The following HRH2 variants were observed in gnomAD, a reference collection of about 807,000 sequenced individuals.
HRH2 encodes histamine receptor H2.
A neutral mutation model predicts 20.1 loss-of-function variants in HRH2; 4 were observed. That is an observed-to-expected ratio of 0.20 (90% CI 0.10 to 0.45). The LOEUF is 0.45. Among genes scored for constraint, HRH2 ranks in the 20% least tolerant of loss-of-function variants. The probability of loss-of-function intolerance (pLI) is 0.99; values close to 1 mark genes in which losing one functional copy is unlikely to be tolerated. For missense variants in HRH2, 250 were observed against 461.6 expected, an observed-to-expected ratio of 0.54 and a Z score of 4.20; for synonymous variants, 197 against 200.7, an observed-to-expected ratio of 0.98 and a Z score of 0.16.
chr5:175,658,087 C>G lies in HRH2; in HGVS notation c.-594C>G, dbSNP rs1468179177. ...CCGCCCGCTGCATCCCTGCCCGGAG[C>G]GCAGCCGGCGCGGGCGCGGGACCGA... is the stretch of plus-strand genomic sequence containing the variant. On this transcript the variant is annotated 5_prime_UTR_variant, in exon 1 of 3. Coordinates refer to ENST00000636584, the MANE Select transcript of HRH2 (RefSeq NM_001367711.1). The G allele has an allele frequency of 1.3e-5, 2 of 151,800 alleles. 1 individual carries two copies. Among genetic ancestry groups the G allele is most frequent in the Admixed American group, 1.3e-4 (2 of 15,222 alleles). 9.4% of individuals were successfully genotyped at this position (151,800 alleles called of 1,614,324 possible). A position where few individuals can be genotyped will look rare whatever the true frequency, so the allele number is the denominator to read the frequency against.
intron 2 of HRH2, chr5:175,685,637 G>A: frequency 4.5e-6 from 3 of 669,148 alleles, no homozygotes; most frequent in East Asian, 2.8e-5. Context: ...CTTGTATCTT[G>A]AGCAAGTTCC....
chr5:175,671,662 C>T (rs192297365), intron 1 of HRH2, among the ~76,000 whole-genome samples: 8 of 152,248 alleles, frequency 5.3e-5, no homozygotes, highest in African/African-American at 1.7e-4. Context: ...CAAAAAGAAA[C>T]CCACAAAATT....
At chr5:175,685,547 A>T in intron 2 of HRH2, 1 of 1,455,204 alleles carries the variant, frequency 6.9e-7, no homozygotes, top group Non-Finnish European at 9.4e-7. Flanking sequence ...GGATGTAGAA[A>T]TGAGATTTTT....
chr5:175,691,202 C>T (rs545523626), intron 2 of HRH2: 28 of 152,484 alleles, frequency 1.8e-4, no homozygotes, highest in Admixed American at 7.8e-4. Context: ...ACAGTTAATC[C>T]TCTTCCTCTT....
chr5:175,680,173 G>A (rs557707782), intron 1 of HRH2, among the ~76,000 whole-genome samples: 16 of 152,320 alleles, frequency 1.1e-4, no homozygotes, highest in African/African-American at 3.1e-4. Context: ...GTCTGCCAAC[G>A]GACATCCTTG....
At position 175,687,532 on chromosome 5, in the gene HRH2, A is replaced by G. The variant is rs557951006; in HGVS notation, c.1076+3223A>G. ...TGTGGCCAACCAGCAGCCACCCCACAATGTTCCTGCCCAGCCTCTATGAGT... is the reference window on the plus strand; with the variant it reads ...TGTGGCCAACCAGCAGCCACCCCACGATGTTCCTGCCCAGCCTCTATGAGT... On this transcript the variant is annotated intron_variant, in intron 2 of 2. Transcript: ENST00000636584. The surrounding 1 kb of genome is among the most constrained non-coding windows in gnomAD (Gnocchi z 5.2). 4.7e-4 allele frequency among the ~76,000 whole-genome samples: 72 copies of G among 152,170 alleles called. No individual in the cohort carries two copies. The highest frequency in any genetic ancestry group is 3.4e-3 in the Middle Eastern group (1 of 294).
At chr5:175,685,842 T>A (rs1292689401) in intron 2 of HRH2, 1 of 257,142 alleles carries the variant, frequency 3.9e-6, no homozygotes, top group Non-Finnish European at 7.4e-6. Context: ...GCGTGGATAT[T>A]GCAGACCCAC....
At chr5:175,670,044 G>T (rs1755469697) in intron 1 of HRH2, among the ~76,000 whole-genome samples, 1 of 152,194 alleles carries the variant, frequency 6.6e-6, no homozygotes, top group Non-Finnish European at 1.5e-5. Context: ...CAGGCAGGGG[G>T]CATCACTGCT....
rs146642156 is a variant in HRH2 at position 175,683,794 on chromosome 5, G to A, written c.561G>A (p.Gly187=). The A allele has an allele frequency of 1.8e-3, 2,825 of 1,614,144 alleles. 7 individuals carry two copies. Among genetic ancestry groups the A allele is most frequent in the Non-Finnish European group, 2.1e-3 (2,428 of 1,180,040 alleles). Residue 187 remains glycine, a synonymous_variant, in exon 2 of 3, where the codon GGG becomes GGA. Coordinates refer to ENST00000636584, the MANE Select transcript of HRH2 (RefSeq NM_001367711.1). ...QVNEVYGLVD[G]LVTFYLPLLI... ...ATGAAGTGTACGGGCTGGTGGATGG[G>A]CTGGTCACCTTCTACCTCCCGCTAC...
intron 2 of HRH2, among the ~76,000 whole-genome samples, chr5:175,702,687 G>A (rs568290488): frequency 1.2e-4 from 18 of 149,842 alleles, no homozygotes; most frequent in Admixed American, 4.0e-4. Context: ...GAGTAGCTAG[G>A]ACTGCAGGCA....
intron 2 of HRH2, among the ~76,000 whole-genome samples, chr5:175,700,411 A>G (rs1581465080): frequency 6.6e-6 from 1 of 152,206 alleles, no homozygotes; most frequent in African/African-American, 2.4e-5. Context: ...TAGATGATGA[A>G]AGATCCAATG....
chr5:175,687,278 G>T lies in HRH2; in HGVS notation c.1076+2969G>T, dbSNP rs1382658091. ...CAGGGCCTCGTGTGTCCCTCGATAA[G>T]CTCGGCTGCCAGTTTCCCTGCTGGC... On this transcript the variant is annotated intron_variant, in intron 2 of 2. Coordinates refer to ENST00000636584, the MANE Select transcript of HRH2 (RefSeq NM_001367711.1). The surrounding 1 kb of genome is among the most constrained non-coding windows in gnomAD (Gnocchi z 5.2). Among the ~76,000 whole-genome samples, 1 of 152,112 alleles carries T rather than the reference G, an allele frequency of 6.6e-6. No individual in the cohort carries two copies. Among genetic ancestry groups the T allele is most frequent in the Non-Finnish European group, 1.5e-5 (1 of 68,010 alleles).
At position 175,707,763 on chromosome 5, in the gene HRH2, G is replaced by C. The variant is rs576818585; in HGVS notation, c.1077-16G>C. On this transcript the variant is annotated splice_polypyrimidine_tract_variant and intron_variant, in intron 2 of 2. Transcript: ENST00000636584. ...CTGTGGCCACCTCAGCCTGGCATGT[G>C]CTTGTGTCTCCTCAGGAAGCCAGCA... 9 of 398,474 alleles carry C rather than the reference G, an allele frequency of 2.3e-5. 1 individual carries two copies. The highest frequency in any genetic ancestry group is 1.7e-4 in the African/African-American group (8 of 48,478). The allele number at this position is 398,474 out of a possible 1,614,324, so 24.7% of individuals were successfully genotyped here. A position where few individuals can be genotyped will look rare whatever the true frequency, so the allele number is the denominator to read the frequency against.
chr5:175,699,185 G>A (rs1026687975), intron 2 of HRH2, among the ~76,000 whole-genome samples: 2 of 152,210 alleles, frequency 1.3e-5, no homozygotes, highest in Admixed American at 1.3e-4. Flanking sequence ...GGTAATGTTG[G>A]TTTGTGGCAG....
chr5:175,659,978 C>A (rs144313432), intron 1 of HRH2, among the ~76,000 whole-genome samples: 3 of 152,316 alleles, frequency 2.0e-5, no homozygotes, highest in Non-Finnish European at 4.4e-5. Context: ...CACCTTGTCC[C>A]GGTTAACCTT....
intron 2 of HRH2, among the ~76,000 whole-genome samples, chr5:175,697,909 C>T (rs1221651337): frequency 6.6e-6 from 1 of 152,220 alleles, no homozygotes; most frequent in Non-Finnish European, 1.5e-5. Context: ...TCCCCAAACA[C>T]CCCTCATGGC....
rs1756216471 is a variant in HRH2, at chr5:175,687,596, C to A, written c.1076+3287C>A. Among the ~76,000 whole-genome samples, 1 of 152,140 alleles carries A rather than the reference C, an allele frequency of 6.6e-6. No homozygotes were observed. ...CACTCAGGGCAGCTCACCCCACAGT[C>A]AGGGGCCCCGGCTGGTCCCACCATT... On this transcript the variant is annotated intron_variant, in intron 2 of 2. Transcript: ENST00000636584. This position sits in a 1 kb window ranked among gnomAD's most constrained non-coding sequence, Gnocchi z 5.2.
At chr5:175,671,288 G>T (rs930085726) in intron 1 of HRH2, among the ~76,000 whole-genome samples, 1 of 152,222 alleles carries the variant, frequency 6.6e-6, no homozygotes, top group East Asian at 1.9e-4. Flanking sequence ...TAATCAACGG[G>T]TATAAATGTT....
chr5:175,686,763 G>A lies in HRH2; in HGVS notation c.1076+2454G>A, dbSNP rs191611844. 6.6e-6 allele frequency among the ~76,000 whole-genome samples: 1 copy of A among 152,316 alleles called. No homozygotes were observed. Among genetic ancestry groups the A allele is most frequent in the East Asian group, 1.9e-4 (1 of 5,186 alleles). On this transcript the variant is annotated intron_variant, in intron 2 of 2. Coordinates refer to ENST00000636584, the MANE Select transcript of HRH2 (RefSeq NM_001367711.1). This position sits in a 1 kb window ranked among gnomAD's most constrained non-coding sequence, Gnocchi z 4.7. ...CACTTCATCCTCCACACAACCCTGT[G>A]AAGCAGGGACTTGCTTAATCTCCAC...
Sources: gnomAD v4.1 joint callset for allele counts (sites outside exome capture counted in the v4.1 genomes callset) on GRCh38, gnomAD v4.1.1 for gene constraint, Gnocchi (gnomAD v3.1) non-coding constraint, MANE v1.5 for transcripts, NCBI Gene and HGNC (gene_info 2026-07-23, HGNC 2026-07-21) for gene names.